SKAP1: variants seen among roughly 807,000 people sequenced by gnomAD.
SKAP1 encodes src kinase-associated phosphoprotein 1.
Under a neutral mutation model 58.5 loss-of-function variants are expected in SKAP1, and 44 were observed. The ratio of observed to expected loss-of-function variants is 0.75; its 90% CI spans 0.59 to 0.97. The LOEUF is 0.97. Among genes scored for constraint, SKAP1 ranks in the 50% least tolerant of loss-of-function variants. SKAP1 has a pLI of 0.00. For synonymous variants in SKAP1, 127 were observed against 149.7 expected (o/e 0.85, Z 1.11); for missense variants, 390 against 435.2 (o/e 0.90, Z 0.92).
At chr17:48,205,766 T>C (rs1451067747) in intron 4 of SKAP1, among the ~76,000 whole-genome samples, 2 of 152,164 alleles carry the variant, frequency 1.3e-5, no homozygotes, top group Admixed American at 1.3e-4. Flanking sequence ...GCTTTCCAAG[T>C]TCTAAGGGAA....
intron 4 of SKAP1, among the ~76,000 whole-genome samples, chr17:48,341,360 A>C (rs1463595044): frequency 2.0e-5 from 3 of 152,176 alleles, no homozygotes; most frequent in African/African-American, 7.2e-5. Context: ...TTCATATCTA[A>C]TGCTTTCTCC....
chr17:48,424,100 TG>T (rs2067826734), intron 1 of SKAP1, among the ~76,000 whole-genome samples: 1 of 152,126 alleles, frequency 6.6e-6, no homozygotes, highest in South Asian at 2.1e-4. Flanking sequence ...AGTGGGAAAC[TG>T]GAAAGTCCAG....
At chr17:48,289,375 TAAAAG>T (rs1279377438) in intron 4 of SKAP1, among the ~76,000 whole-genome samples, 5 of 152,056 alleles carry the variant, frequency 3.3e-5, no homozygotes, top group African/African-American at 1.2e-4. Flanking sequence ...ATCTTGGAAA[TAAAAG>T]AAGGGATAAA....
intron 3 of SKAP1, among the ~76,000 whole-genome samples, chr17:48,363,470 C>T (rs1186306812): frequency 6.6e-6 from 1 of 152,198 alleles, no homozygotes; most frequent in Non-Finnish European, 1.5e-5. Context: ...TTATTATGGA[C>T]TTGGCTACCA....
chr17:48,317,688 CTT>C (rs1315706886), intron 4 of SKAP1, among the ~76,000 whole-genome samples: 1 of 152,202 alleles, frequency 6.6e-6, no homozygotes, highest in Non-Finnish European at 1.5e-5. Flanking sequence ...ACTGAAGTAA[CTT>C]CAGGTCACTT....
chr17:48,301,437 G>A (rs946053907), intron 4 of SKAP1, among the ~76,000 whole-genome samples: 1 of 152,118 alleles, frequency 6.6e-6, no homozygotes, highest in African/African-American at 2.4e-5. Context: ...GACTCCATGA[G>A]TATTTGAATT....
chr17:48,267,902 T>C (rs2065574225), intron 4 of SKAP1, among the ~76,000 whole-genome samples: 2 of 152,200 alleles, frequency 1.3e-5, no homozygotes, highest in Admixed American at 1.3e-4. Context: ...ATACAGAGGT[T>C]GCTTATAGGT....
At chr17:48,163,125 AATAG>A (rs1433626498) in intron 10 of SKAP1, among the ~76,000 whole-genome samples, 1 of 152,154 alleles carries the variant, frequency 6.6e-6, no homozygotes, top group African/African-American at 2.4e-5. Flanking sequence ...TACTGAAACG[AATAG>A]CCCAGTCTTT....
intron 11 of SKAP1, among the ~76,000 whole-genome samples, chr17:48,154,536 T>C (rs1326942681): frequency 1.3e-5 from 2 of 152,152 alleles, no homozygotes; most frequent in African/African-American, 4.8e-5. Flanking sequence ...GACAATTCCT[T>C]GGAAGAGCCT....
At chr17:48,206,375 C>T (rs2064810366) in intron 4 of SKAP1, among the ~76,000 whole-genome samples, 1 of 151,836 alleles carries the variant, frequency 6.6e-6, no homozygotes. Flanking sequence ...GGAACCTCCA[C>T]GTGGTCAGTT....
chr17:48,250,528 G>A (rs372928009), intron 4 of SKAP1, among the ~76,000 whole-genome samples: 130 of 151,796 alleles, frequency 8.6e-4, no homozygotes, highest in Middle Eastern at 3.4e-3. Flanking sequence ...TGATCTGCCC[G>A]TCTCAGCTTC....
chr17:48,258,525 T>C (rs2065450699), intron 4 of SKAP1, among the ~76,000 whole-genome samples: 1 of 152,114 alleles, frequency 6.6e-6, no homozygotes, highest in African/African-American at 2.4e-5. Flanking sequence ...GTTAACAAGA[T>C]TTATATACAT....
At position 48,346,130 on chromosome 17, in the gene SKAP1, T is replaced by C. The variant is rs201805776; in HGVS notation, c.179-124A>G. ...TTCGAAAAAAAAGTGTATCTTTTAC[T>C]GGATGATGAACATGGCCACTATCCA... On this transcript the variant is annotated intron_variant, in intron 3 of 12. Coordinates refer to ENST00000336915, the MANE Select transcript of SKAP1 (RefSeq NM_003726.4). 1.7e-5 allele frequency: 9 copies of C among 525,448 alleles called. No individual in the cohort carries two copies. The East Asian group carries it at 2.7e-4, about 16-fold the overall frequency. 32.5% of individuals were successfully genotyped at this position (525,448 alleles called of 1,614,324 possible). A position where few individuals can be genotyped will look rare whatever the true frequency, so the allele number is the denominator to read the frequency against.
chr17:48,433,027 A>G (rs1478164251), upstream of SKAP1, among the ~76,000 whole-genome samples: 1 of 152,202 alleles, frequency 6.6e-6, no homozygotes, highest in African/African-American at 2.4e-5. Context: ...GCAGATTCCA[A>G]TACGGTATTG....
chr17:48,442,253 C>G, the SKAP1 span, among the ~76,000 whole-genome samples: 2 of 152,056 alleles, frequency 1.3e-5, no homozygotes, highest in Non-Finnish European at 2.9e-5. Flanking sequence ...CCTACAGAAA[C>G]TGTGTGGAAT....
At chr17:48,176,119 T>C (rs2064286564) in intron 9 of SKAP1, among the ~76,000 whole-genome samples, 2 of 152,216 alleles carry the variant, frequency 1.3e-5, no homozygotes, top group African/African-American at 4.8e-5. Flanking sequence ...AACTCAGTTA[T>C]ATGCTTTATT....
intron 4 of SKAP1, among the ~76,000 whole-genome samples, chr17:48,199,135 A>C (rs1260044900): frequency 1.3e-5 from 2 of 152,228 alleles, no homozygotes; most frequent in Non-Finnish European, 2.9e-5. Flanking sequence ...AAATAAAAAG[A>C]AAAGAGCCTT....
At position 48,354,180 on chromosome 17, in the gene SKAP1, C is replaced by T. The variant is rs1033937070; in HGVS notation, c.179-8174G>A. Among the ~76,000 whole-genome samples the T allele has an allele frequency of 1.1e-4, 17 of 152,242 alleles. No homozygotes were observed. In the Middle Eastern group the frequency reaches 0.014, roughly 122 times the overall value. ...ACATAAACCTCCAATACCACTAAAGCTGTAATGGCAAATGGTGACAAGATT... is the reference window on the plus strand; with the variant it reads ...ACATAAACCTCCAATACCACTAAAGTTGTAATGGCAAATGGTGACAAGATT... On this transcript the variant is annotated intron_variant, in intron 3 of 12. Coordinates refer to ENST00000336915, the MANE Select transcript of SKAP1 (RefSeq NM_003726.4).
At chr17:48,406,179 C>T (rs986143512) in intron 1 of SKAP1, among the ~76,000 whole-genome samples, 1 of 151,674 alleles carries the variant, frequency 6.6e-6, no homozygotes, top group African/African-American at 2.4e-5. Context: ...GCAGGAGAAT[C>T]GCTTGAACCT....
Sources: gnomAD v4.1 joint callset for allele counts (sites outside exome capture counted in the v4.1 genomes callset) on GRCh38, gnomAD v4.1.1 for gene constraint, MANE v1.5 for transcripts, NCBI Gene and HGNC (gene_info 2026-07-23, HGNC 2026-07-21) for gene names.